ITGA6: variants seen among roughly 807,000 people sequenced by gnomAD.
The protein encoded by ITGA6 is integrin alpha-6.
Under a neutral mutation model 133.6 loss-of-function variants are expected in ITGA6, and 63 were observed. The observed-to-expected ratio is 0.47, with a 90% CI of 0.38 to 0.58. The LOEUF is 0.58. Ranked by LOEUF, ITGA6 falls within the 20% of genes least tolerant of loss-of-function variation. The pLI is 0.00. For missense variants in ITGA6, 1,068 were observed against 1,309.4 expected (o/e 0.82, Z 2.85); for synonymous variants, 434 against 482.0 (o/e 0.90, Z 1.30).
At chr2:172,443,330 G>T (rs573399203) in intron 1 of ITGA6, among the ~76,000 whole-genome samples, 2 of 152,254 alleles carry the variant, frequency 1.3e-5, no homozygotes, top group East Asian at 3.9e-4. Context: ...ACCAGTCTGG[G>T]TATTCAGATA....
At chr2:172,427,517 G>A, upstream of ITGA6, 1 of 1,090,342 alleles carries the variant, frequency 9.2e-7, no homozygotes, top group South Asian at 4.1e-5. Context: ...AAGGAGGGGC[G>A]AGAGGGTGGG....
intron 5 of ITGA6, among the ~76,000 whole-genome samples, chr2:172,473,727 A>G (rs1480489678): frequency 2.0e-5 from 3 of 152,230 alleles, no homozygotes; most frequent in Non-Finnish European, 2.9e-5. Flanking sequence ...ATCTAGCTTG[A>G]TCTCCTTTTA....
chr2:172,480,034 G>GT lies in ITGA6; in HGVS notation c.1534dup (p.Tyr512LeufsTer2). The stretch of plus-strand genomic sequence containing the variant: ...TTTGAATATACTGCTAACCCCGCTG[G>GT]TTATAATCCTTCAATATGTAAGTAC... On this transcript the variant is annotated frameshift_variant, in exon 11 of 26. Transcript: ENST00000684293. LOFTEE classifies it high-confidence loss of function. The GT allele has an allele frequency of 1.9e-6, 3 of 1,580,776 alleles. No homozygotes were observed. The highest frequency in any genetic ancestry group is 2.6e-6 in the Non-Finnish European group (3 of 1,149,770).
chr2:172,433,806 C>T lies in ITGA6; in HGVS notation c.182+5836C>T, dbSNP rs570353025. On this transcript the variant is annotated intron_variant, in intron 1 of 25. Coordinates refer to ENST00000684293, the MANE Select transcript of ITGA6 (RefSeq NM_000210.4). ...GTGCATCTCAGAAGAGCCATGCCTT[C>T]TACTTAGCAGCCCTTCGTAGCTACT... is the stretch of plus-strand genomic sequence containing the variant. Among the ~76,000 whole-genome samples, 6 of 152,344 alleles carry T rather than the reference C, an allele frequency of 3.9e-5. No individual in the cohort carries two copies. The South Asian group carries it at 1.2e-3, about 32-fold the overall frequency.
At position 172,427,729 on chromosome 2, in the gene ITGA6, C is replaced by T; in HGVS notation, c.-60C>T. 2 of 1,491,778 alleles carry T rather than the reference C, an allele frequency of 1.3e-6. No homozygotes were observed. Among genetic ancestry groups the T allele is most frequent in the East Asian group, 2.9e-5 (1 of 35,026 alleles). The allele number at this position is 1,491,778 out of a possible 1,614,324, so 92.4% of individuals were successfully genotyped here. ...TAGCAGCAGCGCGGCAGCCTCGGAC[C>T]CAGCCCGGAGCGCAGGGCGGCCGCT... On this transcript the variant is annotated 5_prime_UTR_variant, in exon 1 of 26. Coordinates refer to ENST00000684293, the MANE Select transcript of ITGA6 (RefSeq NM_000210.4).
intron 9 of ITGA6, 130 bp from the exon 10 acceptor site, chr2:172,479,511 C>T (rs1574386537): frequency 1.3e-5 from 10 of 782,564 alleles, no homozygotes; most frequent in East Asian, 1.2e-4. Flanking sequence ...TGGGGGAAAA[C>T]GTCACGTGTA....
intron 1 of ITGA6, among the ~76,000 whole-genome samples, chr2:172,459,144 CTG>C (rs962184014): frequency 2.0e-5 from 3 of 152,328 alleles, no homozygotes; most frequent in Admixed American, 6.5e-5. Context: ...TGTCCTAAGT[CTG>C]TGGAGTGAAA....
intron 11 of ITGA6, among the ~76,000 whole-genome samples, chr2:172,482,473 T>A (rs1318728859): frequency 5.3e-5 from 8 of 152,312 alleles, no homozygotes; most frequent in Admixed American, 5.2e-4. Flanking sequence ...GTAATGAGTG[T>A]TCTACTTGGC....
At chr2:172,488,299 C>A in intron 19 of ITGA6, 71 bp downstream of exon 19, 3 of 961,060 alleles carry the variant, frequency 3.1e-6, no homozygotes, top group South Asian at 2.6e-5. Flanking sequence ...TTGAGTATGT[C>A]ATTTTAATAA....
At chr2:172,449,922 CAAAAA>C (rs753594850) in intron 1 of ITGA6, among the ~76,000 whole-genome samples, 5 of 77,666 alleles carry the variant, frequency 6.4e-5, no homozygotes, top group Non-Finnish European at 5.2e-5. Flanking sequence ...ACTTCCTCTC[CAAAAA>C]AAAAAAAAAA....
chr2:172,457,901 A>G (rs1393639049), intron 1 of ITGA6, among the ~76,000 whole-genome samples: 1 of 152,240 alleles, frequency 6.6e-6, no homozygotes, highest in Non-Finnish European at 1.5e-5. Context: ...GAAGAAGCAG[A>G]AAGCAGATGG....
rs1687530425 is a variant in ITGA6, at chr2:172,505,669, A to C, written c.*1601A>C. On this transcript the variant is annotated 3_prime_UTR_variant, in exon 26 of 26. Coordinates refer to ENST00000684293, the MANE Select transcript of ITGA6 (RefSeq NM_000210.4). The stretch of plus-strand genomic sequence containing the variant: ...AATTTGTTTTGGATATAGTATAAGC[A>C]GTGTCTGTGTTTTGAAAGAATAGAA... 6.6e-6 allele frequency: 1 copy of C among 152,630 alleles called. No homozygotes were observed. The highest frequency in any genetic ancestry group is 2.1e-4 in the South Asian group (1 of 4,826). The allele number at this position is 152,630 out of a possible 1,614,324, so 9.5% of individuals were successfully genotyped here.
At chr2:172,438,967 C>G (rs1443967842) in intron 1 of ITGA6, among the ~76,000 whole-genome samples, 1 of 151,922 alleles carries the variant, frequency 6.6e-6, no homozygotes, top group Non-Finnish European at 1.5e-5. Flanking sequence ...ATCTGCAGAC[C>G]TTTGTGCTAT....
intron 1 of ITGA6, among the ~76,000 whole-genome samples, chr2:172,433,430 C>G (rs2148993064): frequency 6.6e-6 from 1 of 152,274 alleles, no homozygotes; most frequent in Middle Eastern, 3.4e-3. Flanking sequence ...AGCCTAGAGC[C>G]AGGTAGGATC....
intron 23 of ITGA6, 70 bp from the exon 24 acceptor site, chr2:172,497,905 G>C (rs1687193974): frequency 1.3e-6 from 2 of 1,565,538 alleles, no homozygotes; most frequent in African/African-American, 1.4e-5. Context: ...AGCAGAATTA[G>C]AACCATAAAC....
chr2:172,430,223 C>G (rs1400671867), intron 1 of ITGA6, among the ~76,000 whole-genome samples: 1 of 152,192 alleles, frequency 6.6e-6, no homozygotes, highest in African/African-American at 2.4e-5. Context: ...TAATGCCTGT[C>G]TGGCATGGGT....
intron 11 of ITGA6, 29 bp from the exon 12 acceptor site, chr2:172,484,753 T>TA: frequency 3.7e-6 from 6 of 1,601,056 alleles, no homozygotes; most frequent in South Asian, 1.1e-5. Flanking sequence ...TGAATGCACT[T>TA]ACGTTAATAT....
At chr2:172,439,072 C>T (rs79416408) in intron 1 of ITGA6, among the ~76,000 whole-genome samples, 11,851 of 151,842 alleles carry the variant, frequency 0.078, 651 homozygotes, top group East Asian at 0.26. Context: ...GTCTGCAGCT[C>T]TAGAATTGGG....
At position 172,427,829 on chromosome 2, in the gene ITGA6, C is replaced by T. The variant is rs758278211; in HGVS notation, c.41C>T (p.Ala14Val). The change falls in exon 1 of 26, where the codon GCG becomes GTG. Residue 14 changes from alanine (A) to valine (V), a missense_variant. Coordinates refer to ENST00000684293, the MANE Select transcript of ITGA6 (RefSeq NM_000210.4). The part of the protein sequence containing the change: ...AGQLCLLYLS[A>V]GLLSRLGAAF... The stretch of plus-strand genomic sequence containing the variant: ...CAGCTGTGCTTGCTCTACCTGTCGG[C>T]GGGGCTCCTGTCCCGGCTCGGCGCA... 4.4e-6 allele frequency: 7 copies of T among 1,602,998 alleles called. No individual in the cohort carries two copies. The highest frequency in any genetic ancestry group is 1.4e-5 in the African/African-American group (1 of 74,062).
Sources: gnomAD v4.1 joint callset for allele counts (sites outside exome capture counted in the v4.1 genomes callset) on GRCh38, gnomAD v4.1.1 for gene constraint, MANE v1.5 for transcripts, NCBI Gene and HGNC (gene_info 2026-07-23, HGNC 2026-07-21) for gene names.